SEMA3C: variants seen among roughly 807,000 people sequenced by gnomAD.
SEMA3C encodes the protein semaphorin-3C.
Under a neutral mutation model 89.4 loss-of-function variants are expected in SEMA3C, and 47 were observed. The observed-to-expected ratio is 0.53, with a 90% CI of 0.42 to 0.67. The LOEUF (loss-of-function observed/expected upper bound fraction) is 0.67. Ranked by LOEUF, SEMA3C falls within the 30% of genes least tolerant of loss-of-function variation. The probability of loss-of-function intolerance (pLI) is 0.00; values close to 1 mark genes in which losing one functional copy is unlikely to be tolerated. For missense variants in SEMA3C, 839 were observed against 929.1 expected, an observed-to-expected ratio of 0.90 and a Z score of 1.26; for synonymous variants, 310 against 320.2, an observed-to-expected ratio of 0.97 and a Z score of 0.34.
At chr7:80,767,497 T>G (rs1486492723) in intron 12 of SEMA3C, among the ~76,000 whole-genome samples, 1 of 152,210 alleles carries the variant, frequency 6.6e-6, no homozygotes, top group African/African-American at 2.4e-5. Context: ...ACATAAATTT[T>G]AGGTTTAAAA....
At chr7:80,878,689 A>G (rs748479699) in intron 2 of SEMA3C, among the ~76,000 whole-genome samples, 6 of 152,088 alleles carry the variant, frequency 3.9e-5, no homozygotes, top group Non-Finnish European at 7.3e-5. Flanking sequence ...CACCTAATAC[A>G]ATATTTTTCT....
upstream of SEMA3C, among the ~76,000 whole-genome samples, chr7:80,922,029 C>G (rs1792417881): frequency 6.6e-6 from 1 of 152,104 alleles, no homozygotes; most frequent in African/African-American, 2.4e-5. Flanking sequence ...TAAAAATTGT[C>G]TTATTATTTA....
intron 2 of SEMA3C, among the ~76,000 whole-genome samples, chr7:80,883,923 A>G (rs1791411961): frequency 6.6e-6 from 1 of 152,196 alleles, no homozygotes; most frequent in Non-Finnish European, 1.5e-5. Flanking sequence ...TGTTTTTAAG[A>G]GTCTGAACTA....
intron 2 of SEMA3C, among the ~76,000 whole-genome samples, chr7:80,842,702 A>G (rs1050697738): frequency 6.6e-6 from 1 of 152,182 alleles, no homozygotes. Context: ...TTACTAGGCA[A>G]AATGAGTTAT....
intron 7 of SEMA3C, among the ~76,000 whole-genome samples, chr7:80,805,121 A>C (rs1191693549): frequency 1.3e-5 from 2 of 152,044 alleles, no homozygotes; most frequent in Admixed American, 1.3e-4. Context: ...CATTCCTATG[A>C]TTTCTACTGA....
intron 12 of SEMA3C, among the ~76,000 whole-genome samples, chr7:80,768,445 C>T (rs568006223): frequency 1.3e-5 from 2 of 150,896 alleles, no homozygotes; most frequent in East Asian, 1.9e-4. Flanking sequence ...ACCTGGGAGG[C>T]GGAGCTTGCA....
chr7:80,847,583 T>G (rs1054149129), intron 2 of SEMA3C, among the ~76,000 whole-genome samples: 4 of 151,328 alleles, frequency 2.6e-5, no homozygotes, highest in African/African-American at 4.8e-5. Flanking sequence ...ATTGAGTAGG[T>G]TTTTTTTTCC....
At chr7:80,921,268 T>A (rs1416485302), upstream of SEMA3C, among the ~76,000 whole-genome samples, 1 of 152,154 alleles carries the variant, frequency 6.6e-6, no homozygotes, top group African/African-American at 2.4e-5. Flanking sequence ...GCTCCTGGGA[T>A]TTAATGGTAT....
chr7:80,864,990 C>A (rs1051130025), intron 2 of SEMA3C, among the ~76,000 whole-genome samples: 2 of 152,094 alleles, frequency 1.3e-5, no homozygotes, highest in African/African-American at 4.8e-5. Context: ...TTTCTTATTA[C>A]CCTACATCAC....
intron 11 of SEMA3C, among the ~76,000 whole-genome samples, chr7:80,791,016 C>T (rs938778058): frequency 2.0e-5 from 3 of 152,098 alleles, no homozygotes; most frequent in African/African-American, 7.2e-5. Context: ...ATCTGGCCTG[C>T]AATTTTGGTG....
chr7:80,877,953 A>G (rs1791238986), intron 2 of SEMA3C, among the ~76,000 whole-genome samples: 1 of 152,090 alleles, frequency 6.6e-6, no homozygotes, highest in African/African-American at 2.4e-5. Context: ...CTTCACTTCA[A>G]CTCACACCTT....
In SEMA3C at chr7:80,888,635, T is replaced by C. The variant is rs145094815; in HGVS notation, c.103+28044A>G. On this transcript the variant is annotated intron_variant, in intron 2 of 17. Transcript: ENST00000265361. The stretch of plus-strand genomic sequence containing the variant: ...AAGGAAGACATTTCTACTATCGTTC[T>C]CAAGTGTCTGAATTTTCATTTATGT... Among the ~76,000 whole-genome samples the C allele has an allele frequency of 2.8e-3, 424 of 152,278 alleles. 3 individuals are homozygous for C. The highest frequency in any genetic ancestry group is 9.2e-3 in the African/African-American group (381 of 41,568).
rs77492139 is a variant in SEMA3C at position 80,750,796 on chromosome 7, A to C, written c.1711+473T>G. Among the ~76,000 whole-genome samples the C allele has an allele frequency of 3.4e-3, 518 of 152,102 alleles. 2 individuals carry two copies. Among genetic ancestry groups the C allele is most frequent in the Non-Finnish European group, 5.8e-3 (396 of 67,984 alleles). ...GTCTAGTTTCAGTTGGGGAAGATGA[A>C]AAATATCCAGACGTGACTGGCAGTA... On this transcript the variant is annotated intron_variant, in intron 16 of 17. Transcript: ENST00000265361.
chr7:80,802,251 C>T (rs1043578739), intron 9 of SEMA3C, among the ~76,000 whole-genome samples: 1 of 151,966 alleles, frequency 6.6e-6, no homozygotes, highest in Non-Finnish European at 1.5e-5. Flanking sequence ...CACTTTTTTC[C>T]ATCCAAACTC....
intron 12 of SEMA3C, 66 bp downstream of exon 12, chr7:80,789,240 C>T (rs1788875500): frequency 7.8e-7 from 1 of 1,277,030 alleles, no homozygotes; most frequent in Non-Finnish European, 1.1e-6. Flanking sequence ...TGGCCCTTAC[C>T]TACTACCTAT....
At chr7:80,896,464 C>T (rs1211512797) in intron 2 of SEMA3C, among the ~76,000 whole-genome samples, 1 of 152,026 alleles carries the variant, frequency 6.6e-6, no homozygotes, top group African/African-American at 2.4e-5. Flanking sequence ...CTCAGATTAC[C>T]TTTAAAGAGA....
At chr7:80,829,511 TA>T (rs2115821425) in intron 2 of SEMA3C, among the ~76,000 whole-genome samples, 1 of 152,302 alleles carries the variant, frequency 6.6e-6, no homozygotes, top group African/African-American at 2.4e-5. Context: ...CTTCCCAACG[TA>T]ATTCTAATTA....
At chr7:80,901,377 A>G (rs1791876176) in intron 2 of SEMA3C, among the ~76,000 whole-genome samples, 1 of 152,206 alleles carries the variant, frequency 6.6e-6, no homozygotes, top group African/African-American at 2.4e-5. Flanking sequence ...GGGAAGCACC[A>G]CAGCTGTGAA....
At chr7:80,760,681 G>A (rs1353799315) in intron 14 of SEMA3C, among the ~76,000 whole-genome samples, 1 of 152,160 alleles carries the variant, frequency 6.6e-6, no homozygotes, top group Non-Finnish European at 1.5e-5. Flanking sequence ...CCTTTACTGT[G>A]TATTCCAAGA....
Sources: allele counts gnomAD v4.1 joint callset (sites outside exome capture counted in the v4.1 genomes callset), GRCh38; gene constraint gnomAD v4.1.1; transcripts MANE v1.5; gene names NCBI Gene and HGNC (gene_info 2026-07-23, HGNC 2026-07-21).